The following EMC2 variants were observed in gnomAD, a reference collection of about 807,000 sequenced individuals.
The protein encoded by EMC2 is TPR repeat protein 35.
Under a neutral mutation model 51.6 loss-of-function variants are expected in EMC2, and 37 were observed. The ratio of observed to expected loss-of-function variants is 0.72; its 90% CI spans 0.55 to 0.94. EMC2 has a LOEUF of 0.94. Ranked by LOEUF, EMC2 falls within the 40% of genes least tolerant of loss-of-function variation. The pLI, the probability that EMC2 is intolerant of heterozygous loss-of-function variation, is 0.00. For missense variants in EMC2, 359 were observed against 350.9 expected (o/e 1.02, Z -0.18); for synonymous variants, 131 against 112.4 (o/e 1.17, Z -1.04).
intron 10 of EMC2, among the ~76,000 whole-genome samples, chr8:108,486,004 TAAA>T (rs542138811): frequency 2.0e-5 from 3 of 151,576 alleles, no homozygotes; most frequent in South Asian, 2.1e-4. Context: ...TCTGGAAACT[TAAA>T]AAAAATTATG....
At chr8:108,446,667 T>G (rs1325055889) in intron 1 of EMC2, among the ~76,000 whole-genome samples, 1 of 152,188 alleles carries the variant, frequency 6.6e-6, no homozygotes, top group East Asian at 1.9e-4. Flanking sequence ...GAAATGAAGA[T>G]GACTTGATTT....
At chr8:108,445,426 T>TAAAGCTGG (rs1019040720) in intron 1 of EMC2, among the ~76,000 whole-genome samples, 81 of 152,316 alleles carry the variant, frequency 5.3e-4, no homozygotes, top group African/African-American at 1.8e-3. Context: ...TGCTGCTTCT[T>TAAAGCTGG]AAAGCTGGCA....
intron 7 of EMC2, among the ~76,000 whole-genome samples, chr8:108,470,598 A>T (rs904276837): frequency 4.6e-5 from 7 of 152,130 alleles, no homozygotes; most frequent in African/African-American, 1.7e-4. Context: ...CTGGGTAAAA[A>T]ACTGAGAATA....
chr8:108,449,586 A>G (rs1223631041), intron 1 of EMC2, among the ~76,000 whole-genome samples: 1 of 152,002 alleles, frequency 6.6e-6, no homozygotes, highest in Non-Finnish European at 1.5e-5. Flanking sequence ...CATCACTTCT[A>G]AAGATAGTCA....
At chr8:108,468,003 T>C (rs1192100307) in intron 5 of EMC2, among the ~76,000 whole-genome samples, 1 of 152,220 alleles carries the variant, frequency 6.6e-6, no homozygotes, top group Non-Finnish European at 1.5e-5. Flanking sequence ...AGGTTAAAAC[T>C]AGTAAGTGAT....
chr8:108,459,464 G>A (rs1819253745), intron 5 of EMC2, among the ~76,000 whole-genome samples: 1 of 152,166 alleles, frequency 6.6e-6, no homozygotes, highest in African/African-American at 2.4e-5. Context: ...CATGGTAGAA[G>A]GCAAGGAGGA....
chr8:108,476,127 A>T (rs571916609), intron 8 of EMC2, among the ~76,000 whole-genome samples, 164 bp downstream of exon 8: 7 of 152,010 alleles, frequency 4.6e-5, no homozygotes, highest in South Asian at 4.1e-4. Context: ...TTAACATTGC[A>T]GTGGTAATAC....
chr8:108,453,294 G>A (rs1205287693), intron 4 of EMC2, 147 bp downstream of exon 4: 1 of 455,918 alleles, frequency 2.2e-6, no homozygotes, highest in Non-Finnish European at 4.0e-6. Context: ...TAATGAGGTT[G>A]AAAACCTTGT....
intron 5 of EMC2, among the ~76,000 whole-genome samples, chr8:108,466,025 A>G (rs1301201400): frequency 6.6e-6 from 1 of 152,330 alleles, no homozygotes; most frequent in African/African-American, 2.4e-5. Flanking sequence ...GATATTTACT[A>G]TGGACCATCA....
chr8:108,458,590 C>T (rs1819224401), intron 5 of EMC2, among the ~76,000 whole-genome samples: 1 of 152,180 alleles, frequency 6.6e-6, no homozygotes, highest in Admixed American at 6.5e-5. Flanking sequence ...TGCTTGAGCT[C>T]TGTGTTGGTC....
intron 2 of EMC2, 44 bp downstream of exon 2, chr8:108,449,980 A>G (rs916676710): frequency 2.9e-6 from 2 of 680,722 alleles, no homozygotes; most frequent in Non-Finnish European, 4.8e-6. Context: ...TGCCTCATTC[A>G]TGGGCCTTTT....
At chr8:108,457,138 T>C (rs1433100120) in intron 5 of EMC2, among the ~76,000 whole-genome samples, 1 of 152,218 alleles carries the variant, frequency 6.6e-6, no homozygotes, top group Non-Finnish European at 1.5e-5. Context: ...AAATCCCTTA[T>C]CTCTGCTTAT....
intron 10 of EMC2, among the ~76,000 whole-genome samples, chr8:108,486,303 C>G (rs893252897): frequency 4.0e-5 from 6 of 151,812 alleles, no homozygotes; most frequent in Non-Finnish European, 8.8e-5. Context: ...AGTGAACTCT[C>G]TGTACACTTC....
At chr8:108,445,450 C>T (rs1247203758) in intron 1 of EMC2, among the ~76,000 whole-genome samples, 1 of 152,104 alleles carries the variant, frequency 6.6e-6, no homozygotes, top group Non-Finnish European at 1.5e-5. Context: ...GCTAGTCCTT[C>T]CACTGGGAGT....
chr8:108,449,608 G>C (rs1818967156), intron 1 of EMC2, among the ~76,000 whole-genome samples: 1 of 152,112 alleles, frequency 6.6e-6, no homozygotes, highest in Admixed American at 6.5e-5. Flanking sequence ...AATACCAGTT[G>C]TAATGCTGTT....
In EMC2 at chr8:108,489,143, C is replaced by G. The variant is rs1811195540; in HGVS notation, c.*2545C>G. ...CACCCAAATCAAGATGAGCAATTGC[C>G]AAACTCCCCAATTATTAAATGAGAA... On this transcript the variant is annotated 3_prime_UTR_variant, in exon 11 of 11. Coordinates refer to ENST00000220853, the MANE Select transcript of EMC2 (RefSeq NM_014673.5). Among the ~76,000 whole-genome samples, 1 of 152,116 alleles carries G rather than the reference C, an allele frequency of 6.6e-6. No individual in the cohort carries two copies. Among genetic ancestry groups the G allele is most frequent in the South Asian group, 2.1e-4 (1 of 4,830 alleles).
At chr8:108,448,887 G>A (rs949336436) in intron 1 of EMC2, among the ~76,000 whole-genome samples, 1 of 152,000 alleles carries the variant, frequency 6.6e-6, no homozygotes, top group African/African-American at 2.4e-5. Flanking sequence ...CTGTCAGACA[G>A]CCATGATTGT....
intron 7 of EMC2, among the ~76,000 whole-genome samples, chr8:108,473,457 C>A (rs902298839): frequency 2.6e-5 from 4 of 152,148 alleles, no homozygotes; most frequent in Non-Finnish European, 5.9e-5. Context: ...CTGAAAACTT[C>A]TGAAATCTGA....
chr8:108,475,841 G>A, intron 7 of EMC2, 41 bp from the exon 8 acceptor site: 1 of 1,163,244 alleles, frequency 8.6e-7, no homozygotes, highest in African/African-American at 1.6e-5. Flanking sequence ...ATAAAAATTT[G>A]TGACTTTAAA....
Sources: allele counts gnomAD v4.1 joint callset (sites outside exome capture counted in the v4.1 genomes callset), GRCh38; gene constraint gnomAD v4.1.1; transcripts MANE v1.5; gene names NCBI Gene and HGNC (gene_info 2026-07-23, HGNC 2026-07-21).